Variants in NYNRIN observed in about 807,000 individuals in gnomAD.
NYNRIN encodes the protein protein NYNRIN.
Under a neutral mutation model 146.6 loss-of-function variants are expected in NYNRIN, and 86 were observed. That is an observed-to-expected ratio of 0.59 (90% CI 0.49 to 0.70). The LOEUF is 0.70. NYNRIN is among the 30% of genes least tolerant of loss of function. The pLI is 0.00. For missense variants in NYNRIN, 2,191 were observed against 2,377.7 expected (o/e 0.92, Z 1.63); for synonymous variants, 1,027 against 1,001.3 (o/e 1.03, Z -0.48).
chr14:24,417,325 C>T lies in NYNRIN; in HGVS notation c.5576C>T (p.Ser1859Leu), dbSNP rs768946629. The change falls in exon 9 of 9, where the codon TCA (serine) becomes TTA (leucine). Residue 1859 changes from serine (S) to leucine (L), a missense_variant. Ser to Leu is a moderately radical substitution (Grantham distance 145, BLOSUM62 -2). Coordinates refer to ENST00000382554, the MANE Select transcript of NYNRIN (RefSeq NM_025081.3). ...PFYIGDRLSL[S>L]LYRIWGFPTP... ...TATATCGGGGACCGGCTGAGCCTGT[C>T]ACTCTATAGGATATGGGGCTTCCCA... The T allele has an allele frequency of 6.8e-6, 11 of 1,611,192 alleles. No individual in the cohort carries two copies. The African/African-American group carries it at 1.5e-4, about 22-fold the overall frequency.
intron 2 of NYNRIN, among the ~76,000 whole-genome samples, chr14:24,404,212 C>A (rs1311550297): frequency 6.6e-6 from 1 of 152,172 alleles, no homozygotes; most frequent in Non-Finnish European, 1.5e-5. Flanking sequence ...CTTATGTTTT[C>A]TCCTCTTTTT....
intron 2 of NYNRIN, among the ~76,000 whole-genome samples, chr14:24,407,133 C>T (rs2042879551): frequency 6.6e-6 from 1 of 152,200 alleles, no homozygotes; most frequent in African/African-American, 2.4e-5. Flanking sequence ...CATGATTACC[C>T]TGTAGTCACT....
At position 24,415,574 on chromosome 14, in the gene NYNRIN, C is replaced by T. The variant is rs780717857; in HGVS notation, c.3825C>T (p.Leu1275=). The T allele has an allele frequency of 4.3e-6, 7 of 1,613,950 alleles. No homozygotes were observed. In the South Asian group the frequency reaches 6.6e-5, roughly 15 times the overall value. Residue 1275 remains leucine, a synonymous_variant, in exon 9 of 9, where the codon CTC becomes CTT. Transcript: ENST00000382554. ...KGKRALELAL[L]QGLLGENRLL... ...AGAGGGCCCTGGAATTGGCCCTCCT[C>T]CAGGGCCTGCTGGGGGAGAACCGCC...
At chr14:24,407,725 G>A in intron 2 of NYNRIN, 144 bp from the exon 3 acceptor site, 1 of 690,114 alleles carries the variant, frequency 1.4e-6, no homozygotes, top group Non-Finnish European at 2.4e-6. Context: ...GGCCATGGGG[G>A]AGTCATTTGG....
rs1218530793 is a variant in NYNRIN, at chr14:24,417,443, G to C, written c.5694G>C (p.Gln1898His). 6.1e-6 allele frequency: 9 copies of C among 1,478,300 alleles called. No homozygotes were observed. In the East Asian group the frequency reaches 2.2e-4, roughly 36 times the overall value. The allele number at this position is 1,478,300 out of a possible 1,614,324, so 91.6% of individuals were successfully genotyped here. A position where few individuals can be genotyped will look rare whatever the true frequency, so the allele number is the denominator to read the frequency against. ...GTPLSFKVLEQ is the reference protein window; with the variant it reads ...GTPLSFKVLEH ...CGCTGTCCTTCAAGGTCTTGGAGCA[G>C]TGAGCGGGAGCAGCGGGGGTGCCCC... Residue 1898 changes from glutamine to histidine, a missense_variant, in exon 9 of 9, where the codon CAG (glutamine) becomes CAC (histidine). This residue lies in a region of NYNRIN where 1,291 missense variants were observed against 1,417.0 expected (regional missense o/e 0.91). Coordinates refer to ENST00000382554, the MANE Select transcript of NYNRIN (RefSeq NM_025081.3).
At chr14:24,405,791 A>C (rs1329627667) in intron 2 of NYNRIN, among the ~76,000 whole-genome samples, 1 of 152,230 alleles carries the variant, frequency 6.6e-6, no homozygotes, top group Non-Finnish European at 1.5e-5. Context: ...AGTGCCTGAC[A>C]CATAATAAGC....
intron 1 of NYNRIN, 49 bp from the exon 2 acceptor site, chr14:24,399,181 C>T: frequency 6.7e-7 from 1 of 1,490,270 alleles, no homozygotes; most frequent in South Asian, 1.2e-5. Flanking sequence ...GGGGCTGGGG[C>T]GCCTGCCGCC....
In NYNRIN at chr14:24,408,847, C is replaced by T. The variant is rs1400158279; in HGVS notation, c.1053C>T (p.Thr351=). The T allele has an allele frequency of 6.2e-7, 1 of 1,613,916 alleles. No homozygotes were observed. The highest frequency in any genetic ancestry group is 1.3e-5 in the African/African-American group (1 of 74,946). The change falls in exon 4 of 9, where the codon ACC becomes ACT. Residue 351 remains threonine (T), a synonymous_variant. Transcript: ENST00000382554. ...LGVCPPWKAW[T]PGPAFGPLWP... ...TGTGCCCACCCTGGAAGGCCTGGACCCCGGGGCCAGCCTTTGGGCCATTGT... is the reference window on the plus strand; with the variant it reads ...TGTGCCCACCCTGGAAGGCCTGGACTCCGGGGCCAGCCTTTGGGCCATTGT...
At chr14:24,405,944 G>C (rs12879407) in intron 2 of NYNRIN, among the ~76,000 whole-genome samples, 20,006 of 151,764 alleles carry the variant, frequency 0.13, 1,476 homozygotes, top group African/African-American at 0.18. Context: ...GGTGGATCGC[G>C]TGAGGTCAAG....
At position 24,399,220 on chromosome 14, in the gene NYNRIN, T is replaced by C; in HGVS notation, c.-17-10T>C. On this transcript the variant is annotated splice_polypyrimidine_tract_variant and intron_variant, in intron 1 of 8. Coordinates refer to ENST00000382554, the MANE Select transcript of NYNRIN (RefSeq NM_025081.3). ...AGACCCGGGTGACACTATCGTCTCC[T>C]TCGTTCCAGGAGCGGGCGGGGCAGC... 1.2e-6 allele frequency: 2 copies of C among 1,610,486 alleles called. No homozygotes were observed. The highest frequency in any genetic ancestry group is 1.7e-6 in the Non-Finnish European group (2 of 1,178,282).
Position 24,408,429 on chromosome 14 carries a change from G to A in NYNRIN, c.759G>A (p.Arg253=), listed in dbSNP as rs529967446. ...PFVDMGTLQN[R]GPENSKRLSS... is the part of the protein sequence containing the mutation. ...TGGACATGGGGACCCTCCAGAACAG[G>A]GGCCCAGAAAATTCAAAGAGATTAT... Residue 253 remains arginine, a synonymous_variant, in exon 3 of 9, where the codon AGG becomes AGA. Transcript: ENST00000382554. The A allele has an allele frequency of 7.4e-6, 12 of 1,613,306 alleles. No homozygotes were observed. The highest frequency in any genetic ancestry group is 1.7e-5 in the Admixed American group (1 of 59,972).
In NYNRIN at chr14:24,414,926, G is replaced by A. The variant is rs375339585; in HGVS notation, c.3177G>A (p.Gly1059=). The A allele has an allele frequency of 3.8e-5, 61 of 1,600,414 alleles. No homozygotes were observed. In the Admixed American group the frequency reaches 9.2e-4, roughly 24 times the overall value. The change falls in exon 9 of 9, where the codon GGG becomes GGA. Residue 1059 remains glycine (G), a synonymous_variant. Coordinates refer to ENST00000382554, the MANE Select transcript of NYNRIN (RefSeq NM_025081.3). ...CCCTGGACATCGACCTCCTGCCAGGGGCAGCTTCTCCCTACCTGGGCATCC... is the reference window on the plus strand; with the variant it reads ...CCCTGGACATCGACCTCCTGCCAGGAGCAGCTTCTCCCTACCTGGGCATCC... ...DGALDIDLLP[G]AASPYLGIPW... is the part of the protein sequence containing the mutation.
Position 24,411,801 on chromosome 14 carries a change from T to G in NYNRIN, c.2642+351T>G, listed in dbSNP as rs1465924260. Reference sequence around the variant, plus strand: ...GTTGAGGCTCATGTCTCCAGACTGCTTTAGTCTTTTCCTCCCTCGGAGCCC... The same window carrying G: ...GTTGAGGCTCATGTCTCCAGACTGCGTTAGTCTTTTCCTCCCTCGGAGCCC... On this transcript the variant is annotated intron_variant, in intron 6 of 8. Transcript: ENST00000382554. The surrounding 1 kb of genome is among the most constrained non-coding windows in gnomAD (Gnocchi z 4.3). Among the ~76,000 whole-genome samples the G allele has an allele frequency of 2.0e-5, 3 of 152,186 alleles. No homozygotes were observed. Among genetic ancestry groups the G allele is most frequent in the East Asian group, 3.8e-4 (2 of 5,196 alleles).
intron 2 of NYNRIN, among the ~76,000 whole-genome samples, chr14:24,405,570 T>C (rs2042871168): frequency 6.6e-6 from 1 of 152,216 alleles, no homozygotes; most frequent in African/African-American, 2.4e-5. Flanking sequence ...ATTTTCAGGC[T>C]GTAAATGCCT....
intron 2 of NYNRIN, among the ~76,000 whole-genome samples, chr14:24,399,933 G>C (rs1433918194): frequency 1.3e-5 from 2 of 152,184 alleles, no homozygotes; most frequent in African/African-American, 4.8e-5. Context: ...ACTAGGACTG[G>C]AGGGGCCTTT....
intron 7 of NYNRIN, 104 bp downstream of exon 7, chr14:24,413,202 C>T (rs2042923144): frequency 2.3e-6 from 3 of 1,320,372 alleles, no homozygotes; most frequent in African/African-American, 2.9e-5. Context: ...GGAGTAGTGC[C>T]CACCAGCACC....
At position 24,413,316 on chromosome 14, in the gene NYNRIN, C is replaced by G; in HGVS notation, c.2745C>G (p.Arg915=). 2 of 1,611,768 alleles carry G rather than the reference C, an allele frequency of 1.2e-6. No individual in the cohort carries two copies. The highest frequency in any genetic ancestry group is 1.3e-5 in the African/African-American group (1 of 74,982). The change falls in exon 8 of 9, where the codon CGC becomes CGG. Residue 915 remains arginine, a splice_region_variant and synonymous_variant. Coordinates refer to ENST00000382554, the MANE Select transcript of NYNRIN (RefSeq NM_025081.3). ...GTGCCTCTTCTCCCCCTGGGCCCAG[C>G]TTGCTGCCTTTCACCTTTGCGGGGA... ...NSSKKLMVKD[R]LLPFTFAGNL...
At chr14:24,407,767 G>A (rs2042883492) in intron 2 of NYNRIN, 102 bp from the exon 3 acceptor site, 3 of 1,111,570 alleles carry the variant, frequency 2.7e-6, no homozygotes, top group East Asian at 2.4e-5. Context: ...TAGTGGTGGG[G>A]CCACATGGTT....
chr14:24,410,717 A>G (rs1344082746), intron 4 of NYNRIN, among the ~76,000 whole-genome samples: 1 of 152,222 alleles, frequency 6.6e-6, no homozygotes, highest in Non-Finnish European at 1.5e-5. Context: ...TAGAGTAGTT[A>G]TCTGTGCAGA....
Sources: gnomAD v4.1 joint callset for allele counts (sites outside exome capture counted in the v4.1 genomes callset) on GRCh38, gnomAD v4.1.1 for gene constraint, gnomAD v4.1.1 regional missense constraint, Gnocchi (gnomAD v3.1) non-coding constraint, MANE v1.5 for transcripts, NCBI Gene and HGNC (gene_info 2026-07-23, HGNC 2026-07-21) for gene names.